The following APOL1 variants were observed in gnomAD, a reference collection of about 807,000 sequenced individuals.
APOL1 encodes apolipoprotein L1.
A neutral mutation model predicts 14.9 loss-of-function variants in APOL1; 17 were observed. The ratio of observed to expected loss-of-function variants is 1.14; its 90% CI spans 0.78 to 1.71. The LOEUF is 1.71. APOL1 is among the 40% of genes most tolerant of loss of function. The probability of loss-of-function intolerance (pLI) is 0.00; values close to 1 mark genes in which losing one functional copy is unlikely to be tolerated. For missense variants in APOL1, 523 were observed against 485.9 expected, an observed-to-expected ratio of 1.08 and a Z score of -0.72; for synonymous variants, 195 against 184.8, an observed-to-expected ratio of 1.05 and a Z score of -0.45.
intron 5 of APOL1, among the ~76,000 whole-genome samples, chr22:36,262,690 G>A (rs2016114517): frequency 6.6e-6 from 1 of 152,122 alleles, no homozygotes; most frequent in African/African-American, 2.4e-5. Flanking sequence ...GAGTGGGAGA[G>A]GGATATTTCT....
rs112115018 is a variant in APOL1, at chr22:36,262,812, T to C, written c.314+1090T>C. ...TCTGGGCTACCCTTTGAGACCTTCT[T>C]CTCTTCTACACAGAGAAACCCCTGA... On this transcript the variant is annotated intron_variant, in intron 5 of 5. Transcript: ENST00000397278. Among the ~76,000 whole-genome samples the C allele has an allele frequency of 2.1e-3, 320 of 152,292 alleles. 2 individuals carry two copies. The highest frequency in any genetic ancestry group is 7.1e-3 in the African/African-American group (297 of 41,546).
intron 4 of APOL1, among the ~76,000 whole-genome samples, chr22:36,258,829 G>T (rs981955791): frequency 1.3e-5 from 2 of 152,180 alleles, no homozygotes; most frequent in Non-Finnish European, 2.9e-5. Flanking sequence ...TGTGGTGCGG[G>T]TGGGTGTGGG....
chr22:36,265,370 G>T lies in APOL1; in HGVS notation c.534G>T (p.Val178=), dbSNP rs368340430. Residue 178 remains valine (V), a synonymous_variant, in exon 6 of 6, where the codon GTG becomes GTT. Transcript: ENST00000397278. Reference sequence around the variant, plus strand: ...AAGGCACCACCATCGCCAATGTGGTGTCTGGCTCTCTCAGCATTTCCTCTG... The same window carrying T: ...AAGGCACCACCATCGCCAATGTGGTTTCTGGCTCTCTCAGCATTTCCTCTG... ...VHKGTTIANV[V]SGSLSISSGI... is the part of the protein sequence containing the mutation. 4 of 1,612,530 alleles carry T rather than the reference G, an allele frequency of 2.5e-6. No homozygotes were observed. In the Admixed American group the frequency reaches 5.0e-5, roughly 20 times the overall value.
chr22:36,261,737 G>T lies in APOL1; in HGVS notation c.314+15G>T, dbSNP rs2016082076. 2 of 1,612,186 alleles carry T rather than the reference G, an allele frequency of 1.2e-6. No homozygotes were observed. The highest frequency in any genetic ancestry group is 1.3e-5 in the African/African-American group (1 of 74,868). The stretch of plus-strand genomic sequence containing the variant: ...GAACTGCCCAGGTAAGCTCCATGGG[G>T]TTACCTCCATTGGGCACTCCGGCGA... On this transcript the variant is annotated intron_variant, in intron 5 of 5. Coordinates refer to ENST00000397278, the MANE Select transcript of APOL1 (RefSeq NM_003661.4).
Position 36,258,899 on chromosome 22 carries a change from G to A in APOL1, c.187+1492G>A, listed in dbSNP as rs1051377573. ...AGGCAAAACGTGGGTCAGACCCAGC[G>A]CCGAGTTGGATCTCACTGGTCTTAG... On this transcript the variant is annotated intron_variant, in intron 4 of 5. Coordinates refer to ENST00000397278, the MANE Select transcript of APOL1 (RefSeq NM_003661.4). Among the ~76,000 whole-genome samples the A allele has an allele frequency of 3.9e-5, 6 of 152,136 alleles. 1 individual carries two copies. Among genetic ancestry groups the A allele is most frequent in the East Asian group, 3.8e-4 (2 of 5,198 alleles).
rs1352799735 is a variant in APOL1 at position 36,266,016 on chromosome 22, G to T, written c.1180G>T (p.Ala394Ser). 6.2e-7 allele frequency: 1 copy of T among 1,607,336 alleles called. No homozygotes were observed. The highest frequency in any genetic ancestry group is 8.5e-7 in the Non-Finnish European group (1 of 1,176,412). ...CAACAATAATTATAAGATTCTGCAG[G>T]CGGACCAAGAACTGTGACCACAGGG... is the stretch of plus-strand genomic sequence containing the variant. ...ILNNNYKILQ[A>S]DQEL The change falls in exon 6 of 6, where the codon GCG becomes TCG. Residue 394 changes from alanine to serine, a missense_variant. Coordinates refer to ENST00000397278, the MANE Select transcript of APOL1 (RefSeq NM_003661.4).
intron 4 of APOL1, among the ~76,000 whole-genome samples, chr22:36,258,262 G>A (rs1364108273): frequency 6.6e-6 from 1 of 152,262 alleles, no homozygotes; most frequent in Admixed American, 6.5e-5. Context: ...AATACCCCCG[G>A]TCAAAGAAAA....
Position 36,257,027 on chromosome 22 carries a change from T to A in APOL1, c.45-56T>A. ...TTCTGTGTATAGACTCTGTAGTTTC[T>A]GTAATGATCAGATGGCTGCCCGTCC... On this transcript the variant is annotated intron_variant, in intron 2 of 5. Transcript: ENST00000397278. The A allele has an allele frequency of 1.9e-6, 3 of 1,588,300 alleles. No individual in the cohort carries two copies. In the South Asian group the frequency reaches 3.3e-5, roughly 18 times the overall value.
intron 5 of APOL1, among the ~76,000 whole-genome samples, chr22:36,263,448 C>T (rs545327318): frequency 7.2e-4 from 110 of 152,356 alleles, no homozygotes; most frequent in Admixed American, 1.4e-3. Context: ...TAAATCCATC[C>T]TTTGATTTTG....
chr22:36,265,963 A>C lies in APOL1; in HGVS notation c.1127A>C (p.Gln376Pro). The change falls in exon 6 of 6, where the codon CAG becomes CCG. Residue 376 changes from glutamine (Q) to proline (P), a missense_variant. Coordinates refer to ENST00000397278, the MANE Select transcript of APOL1 (RefSeq NM_003661.4). ...ETAEELKKVA[Q>P]ELEEKLNILN... ...GCTGAGGAGCTGAAGAAGGTGGCTC[A>C]GGAGCTGGAGGAGAAGCTAAACATT... The C allele has an allele frequency of 6.2e-7, 1 of 1,613,984 alleles. No individual in the cohort carries two copies. Among genetic ancestry groups the C allele is most frequent in the East Asian group, 2.2e-5 (1 of 44,888 alleles).
Position 36,257,136 on chromosome 22 carries a change from G to A in APOL1, c.98G>A (p.Arg33Lys). Residue 33 changes from arginine (R) to lysine (K), a missense_variant and splice_region_variant, in exon 3 of 6, where the codon AGG becomes AAG. Coordinates refer to ENST00000397278, the MANE Select transcript of APOL1 (RefSeq NM_003661.4). ...VGVRAEEAGA[R>K]VQQNVPSGTD... ...GTGAGGGCAGAGGAAGCTGGAGCGA[G>A]GTGAGTGTCTGCAAATAGCAGATGA... is the stretch of plus-strand genomic sequence containing the variant. 2.5e-6 allele frequency: 4 copies of A among 1,614,192 alleles called. 1 individual carries two copies. The South Asian group carries it at 4.4e-5, about 18-fold the overall frequency.
At chr22:36,261,459 A>T in intron 4 of APOL1, 137 bp from the exon 5 acceptor site, 1 of 917,224 alleles carries the variant, frequency 1.1e-6, no homozygotes, top group Non-Finnish European at 1.6e-6. Context: ...AATTCCCTCT[A>T]TAGCACTAAT....
chr22:36,266,125 T>A lies in APOL1; in HGVS notation c.*92T>A, dbSNP rs116098184. 2.8e-3 allele frequency: 3,906 copies of A among 1,407,698 alleles called. 91 individuals carry two copies. The African/African-American group carries it at 0.049, about 18-fold the overall frequency. 87.2% of individuals were successfully genotyped at this position (1,407,698 alleles called of 1,614,324 possible). A position where few individuals can be genotyped will look rare whatever the true frequency, so the allele number is the denominator to read the frequency against. ...TTTTTTTTCTGAGACAGAGTCTTGC[T>A]CTGTCGCCAAGTTGGAGTGCAATGG... On this transcript the variant is annotated 3_prime_UTR_variant, in exon 6 of 6. Transcript: ENST00000397278.
Position 36,253,244 on chromosome 22 carries a change from C to T in APOL1, c.-20+25C>T, listed in dbSNP as rs1203196688. On this transcript the variant is annotated intron_variant, in intron 1 of 5. Transcript: ENST00000397278. ...GGTAAGTTGGGGACAGTTGACCTGC[C>T]TCCATCTTATTCTCACAGCTTTTGT... 5 of 409,338 alleles carry T rather than the reference C, an allele frequency of 1.2e-5. No homozygotes were observed. In the East Asian group the frequency reaches 3.1e-4, roughly 26 times the overall value. The allele number at this position is 409,338 out of a possible 1,614,324, so 25.4% of individuals were successfully genotyped here.
In APOL1 at chr22:36,261,723, G is replaced by A. The variant is rs1041205676; in HGVS notation, c.314+1G>A. ...TCGTGGCTGCTGCTGAACTGCCCAG[G>A]TAAGCTCCATGGGGTTACCTCCATT... is the stretch of plus-strand genomic sequence containing the variant. On this transcript the variant is annotated splice_donor_variant, in intron 5 of 5. Transcript: ENST00000397278. LOFTEE classifies it high-confidence loss of function. 7.4e-6 allele frequency: 12 copies of A among 1,613,556 alleles called. No individual in the cohort carries two copies. Among genetic ancestry groups the A allele is most frequent in the Admixed American group, 1.7e-5 (1 of 59,984 alleles).
chr22:36,265,076 G>T, intron 5 of APOL1, 75 bp from the exon 6 acceptor site: 1 of 1,568,744 alleles, frequency 6.4e-7, no homozygotes, highest in Non-Finnish European at 8.7e-7. Context: ...CTCCCAAAGT[G>T]CTGGGATTAC....
Position 36,263,096 on chromosome 22 carries a change from T to C in APOL1, c.314+1374T>C, listed in dbSNP as rs190640800. Among the ~76,000 whole-genome samples, 15 of 152,344 alleles carry C rather than the reference T, an allele frequency of 9.8e-5. No individual in the cohort carries two copies. The East Asian group carries it at 2.9e-3, about 29-fold the overall frequency. ...TGCACACAGGTGAAGCTGTCACTAC[T>C]AAGGCATCAGTTAGGCTGGTGACAC... On this transcript the variant is annotated intron_variant, in intron 5 of 5. Transcript: ENST00000397278.
chr22:36,257,126 GC>G lies in APOL1; in HGVS notation c.89del (p.Ala30ValfsTer50), dbSNP rs1227980527. ...FLGVGVRAEE[A>X]GARVQQNVPS... ...TGGTGTGGGAGTGAGGGCAGAGGAA[GC>G]TGGAGCGAGGTGAGTGTCTGCAAAT... On this transcript the variant is annotated frameshift_variant, in exon 3 of 6. Transcript: ENST00000397278. LOFTEE classifies it high-confidence loss of function. 1 of 1,614,186 alleles carries G rather than the reference GC, an allele frequency of 6.2e-7. No homozygotes were observed. Among genetic ancestry groups the G allele is most frequent in the East Asian group, 2.2e-5 (1 of 44,886 alleles).
chr22:36,256,768 C>T (rs190469377), intron 2 of APOL1, among the ~76,000 whole-genome samples: 81 of 152,314 alleles, frequency 5.3e-4, no homozygotes, highest in Non-Finnish European at 1.0e-3. Flanking sequence ...AGCAGAAGTC[C>T]TGGCTCTAGC....
Sources: gnomAD v4.1 joint callset for allele counts (sites outside exome capture counted in the v4.1 genomes callset) on GRCh38, gnomAD v4.1.1 for gene constraint, MANE v1.5 for transcripts, NCBI Gene and HGNC (gene_info 2026-07-23, HGNC 2026-07-21) for gene names.